RAD51B: variants seen among roughly 807,000 people sequenced by gnomAD.
The protein encoded by RAD51B is RAD51 paralog B.
A neutral mutation model predicts 42.2 loss-of-function variants in RAD51B; 38 were observed. The observed-to-expected ratio is 0.90, with a 90% CI of 0.70 to 1.18. RAD51B has a LOEUF of 1.18. Among genes scored for constraint, RAD51B ranks in the 50% most tolerant of loss-of-function variants. The pLI is 0.00. For synonymous variants in RAD51B, 154 were observed against 145.2 expected (o/e 1.06, Z -0.43); for missense variants, 373 against 400.7 (o/e 0.93, Z 0.59).
chr14:68,449,640 G>A (rs1403116897), intron 9 of RAD51B, among the ~76,000 whole-genome samples: 1 of 152,160 alleles, frequency 6.6e-6, no homozygotes, highest in Non-Finnish European at 1.5e-5. Context: ...CAGAGATCCT[G>A]CAGCTGTGCC....
chr14:67,944,143 G>T (rs568386998), intron 7 of RAD51B, among the ~76,000 whole-genome samples: 132 of 151,560 alleles, frequency 8.7e-4, no homozygotes, highest in Non-Finnish European at 1.3e-3. Context: ...ATTTTAATGG[G>T]CTCTTTTGTA....
chr14:68,042,261 A>G (rs1270045721), intron 7 of RAD51B, among the ~76,000 whole-genome samples: 1 of 152,190 alleles, frequency 6.6e-6, no homozygotes, highest in Non-Finnish European at 1.5e-5. Flanking sequence ...AGTTGCATCT[A>G]TTCATGTAAT....
chr14:68,120,554 G>A (rs898062671), intron 7 of RAD51B, among the ~76,000 whole-genome samples: 10 of 152,150 alleles, frequency 6.6e-5, no homozygotes, highest in South Asian at 2.1e-4. Flanking sequence ...AATGAATGGG[G>A]AAGACCCTTG....
intron 8 of RAD51B, among the ~76,000 whole-genome samples, chr14:68,322,397 T>C (rs1956527): frequency 2.0e-4 from 30 of 152,354 alleles, no homozygotes; most frequent in Admixed American, 1.4e-3. Context: ...CCAAATTTCC[T>C]TCCCCATCCC....
At chr14:67,923,160 G>A (rs939363651) in intron 7 of RAD51B, among the ~76,000 whole-genome samples, 5 of 152,008 alleles carry the variant, frequency 3.3e-5, no homozygotes, top group African/African-American at 4.8e-5. Flanking sequence ...TTAGAGTAAC[G>A]GTCTCCAGTT....
chr14:68,661,664 A>C (rs1284787907), intron 11 of RAD51B, among the ~76,000 whole-genome samples: 1 of 152,236 alleles, frequency 6.6e-6, no homozygotes, highest in African/African-American at 2.4e-5. Flanking sequence ...CGTGGCATGC[A>C]AACATATTCA....
At chr14:68,454,416 G>A (rs547929814) in intron 9 of RAD51B, among the ~76,000 whole-genome samples, 1 of 121,548 alleles carries the variant, frequency 8.2e-6, no homozygotes, top group South Asian at 2.3e-4. Context: ...TCTGAGGAGT[G>A]TTTATTTGAG....
intron 8 of RAD51B, among the ~76,000 whole-genome samples, chr14:68,390,807 C>T (rs2083725467): frequency 6.6e-6 from 1 of 152,152 alleles, no homozygotes; most frequent in South Asian, 2.1e-4. Context: ...AGTGTTTCAC[C>T]AACTACTCAG....
chr14:68,270,305 A>C (rs1595634846), intron 7 of RAD51B, among the ~76,000 whole-genome samples: 1 of 152,368 alleles, frequency 6.6e-6, no homozygotes, highest in Middle Eastern at 3.4e-3. Context: ...GAGGCAAAGC[A>C]CCAAAATTCA....
chr14:68,074,289 A>G (rs1483791027), intron 7 of RAD51B, among the ~76,000 whole-genome samples: 1 of 151,996 alleles, frequency 6.6e-6, no homozygotes, highest in Non-Finnish European at 1.5e-5. Flanking sequence ...GAGCTCTGAG[A>G]TTCTTTTCTC....
chr14:68,180,990 T>C (rs1221608938), intron 7 of RAD51B, among the ~76,000 whole-genome samples: 1 of 152,164 alleles, frequency 6.6e-6, no homozygotes, highest in African/African-American at 2.4e-5. Flanking sequence ...AGCAGAGGCA[T>C]TGGTGTTTTG....
At chr14:68,315,990 T>TA (rs1595699149) in intron 8 of RAD51B, among the ~76,000 whole-genome samples, 2 of 152,362 alleles carry the variant, frequency 1.3e-5, no homozygotes, top group Admixed American at 6.5e-5. Flanking sequence ...ATCTTAGACT[T>TA]ATACGGCATT....
intron 10 of RAD51B, among the ~76,000 whole-genome samples, chr14:68,507,274 C>T (rs896306361): frequency 1.3e-5 from 2 of 152,170 alleles, no homozygotes; most frequent in African/African-American, 2.4e-5. Flanking sequence ...AGTGGCAGCT[C>T]GGGTGTCCTC....
chr14:68,399,631 ATT>A (rs1454804018), intron 8 of RAD51B, among the ~76,000 whole-genome samples: 1 of 152,210 alleles, frequency 6.6e-6, no homozygotes, highest in Non-Finnish European at 1.5e-5. Flanking sequence ...ATTTTATAAT[ATT>A]GTTAACTTAT....
intron 10 of RAD51B, chr14:68,540,951 A>G: frequency 1.0e-6 from 1 of 985,474 alleles, no homozygotes; most frequent in South Asian, 4.7e-5. Flanking sequence ...TTCTTCACCC[A>G]CAACTATAAT....
chr14:68,607,532 G>A (rs575412557), intron 10 of RAD51B, among the ~76,000 whole-genome samples: 5 of 152,218 alleles, frequency 3.3e-5, no homozygotes, highest in South Asian at 2.1e-4. Flanking sequence ...GCCCACGTCC[G>A]CCCTTTTCTG....
chr14:68,515,956 T>C (rs1454157625), intron 10 of RAD51B, among the ~76,000 whole-genome samples: 1 of 151,784 alleles, frequency 6.6e-6, no homozygotes, highest in Non-Finnish European at 1.5e-5. Context: ...CGGGTAATTT[T>C]TTGTATTTTT....
rs188112111 is a variant in RAD51B at position 68,078,606 on chromosome 14, T to G, written c.756+191402T>G. Among the ~76,000 whole-genome samples, 6 of 152,332 alleles carry G rather than the reference T, an allele frequency of 3.9e-5. No homozygotes were observed. In the East Asian group the frequency reaches 1.2e-3, roughly 29 times the overall value. On this transcript the variant is annotated intron_variant, in intron 7 of 10. Transcript: ENST00000471583. ...CTTAGCATATTGCTTGGAGGTTTCC[T>G]GAGAGACCAACTTTAGCTATAATGC...
chr14:68,279,189 C>G (rs2081277075), intron 7 of RAD51B, among the ~76,000 whole-genome samples: 1 of 152,144 alleles, frequency 6.6e-6, no homozygotes, highest in Non-Finnish European at 1.5e-5. Flanking sequence ...CAGTGTGGTG[C>G]TAGGGAGGGC....
Sources: allele counts gnomAD v4.1 joint callset (sites outside exome capture counted in the v4.1 genomes callset), GRCh38; gene constraint gnomAD v4.1.1; transcripts MANE v1.5; gene names NCBI Gene and HGNC (gene_info 2026-07-23, HGNC 2026-07-21).